Variants in HIBCH observed in about 807,000 individuals in gnomAD.
The protein encoded by HIBCH is 3-hydroxyisobutyryl-CoA hydrolase, mitochondrial.
Under a neutral mutation model 58.2 loss-of-function variants are expected in HIBCH, and 50 were observed. That is an observed-to-expected ratio of 0.86 (90% CI 0.68 to 1.09). The LOEUF is 1.09. Ranked by LOEUF, HIBCH falls within the 50% of genes least tolerant of loss-of-function variation. The probability of loss-of-function intolerance (pLI) is 0.00; values close to 1 mark genes in which losing one functional copy is unlikely to be tolerated. For synonymous variants in HIBCH, 151 were observed against 146.9 expected, an observed-to-expected ratio of 1.03 and a Z score of -0.20; for missense variants, 450 against 449.7, an observed-to-expected ratio of 1.00 and a Z score of -0.01.
In HIBCH at chr2:190,304,428, A is replaced by T. The variant is rs1280850536; in HGVS notation, c.78+6326T>A. On this transcript the variant is annotated intron_variant, in intron 2 of 13. Transcript: ENST00000359678. This position sits in a 1 kb window ranked among gnomAD's most constrained non-coding sequence, Gnocchi z 4.1. Reference sequence around the variant, plus strand: ...AAGCATGCTAGCTCAGATCTCTCTTACTTGTCTTATAAAGCCACCAGTCTC... The same window carrying T: ...AAGCATGCTAGCTCAGATCTCTCTTTCTTGTCTTATAAAGCCACCAGTCTC... Among the ~76,000 whole-genome samples, 5 of 152,246 alleles carry T rather than the reference A, an allele frequency of 3.3e-5. No individual in the cohort carries two copies. The highest frequency in any genetic ancestry group is 1.2e-4 in the African/African-American group (5 of 41,544).
At chr2:190,212,423 T>C (rs1360568613) in intron 12 of HIBCH, among the ~76,000 whole-genome samples, 1 of 152,212 alleles carries the variant, frequency 6.6e-6, no homozygotes, top group African/African-American at 2.4e-5. Context: ...GAGTTTATCA[T>C]CTGGAAGAAT....
intron 2 of HIBCH, among the ~76,000 whole-genome samples, chr2:190,303,418 T>C (rs1315417887): frequency 2.2e-5 from 3 of 135,092 alleles, no homozygotes; most frequent in East Asian, 4.3e-4. Flanking sequence ...GCATACCTTC[T>C]AGCACCAGAA....
chr2:190,223,453 A>C (rs1017065757), intron 11 of HIBCH, among the ~76,000 whole-genome samples: 1 of 152,184 alleles, frequency 6.6e-6, no homozygotes, highest in African/African-American at 2.4e-5. Context: ...ATGCCTGATA[A>C]GTGGTAGTCA....
intron 1 of HIBCH, among the ~76,000 whole-genome samples, chr2:190,313,580 G>A (rs1300632142): frequency 6.7e-6 from 1 of 149,762 alleles, no homozygotes; most frequent in East Asian, 2.0e-4. Flanking sequence ...CTAACACAGA[G>A]GTTGCAGTGA....
chr2:190,294,409 T>C lies in HIBCH; in HGVS notation c.304+137A>G. The C allele has an allele frequency of 1.2e-5, 8 of 653,068 alleles. No individual in the cohort carries two copies. The South Asian group carries it at 1.3e-4, about 11-fold the overall frequency. 40.5% of individuals were successfully genotyped at this position (653,068 alleles called of 1,614,324 possible). ...AAAGTAAGTCTTTAAATTTTTCTTT[T>C]TCCTAAGAATGTATTAACTTTATAA... On this transcript the variant is annotated intron_variant, in intron 4 of 13. Transcript: ENST00000359678.
intron 1 of HIBCH, among the ~76,000 whole-genome samples, chr2:190,319,236 A>T (rs1688784180): frequency 6.6e-6 from 1 of 152,188 alleles, no homozygotes; most frequent in South Asian, 2.1e-4. Flanking sequence ...GTCCCTCAAC[A>T]CTAGCCTGAA....
intron 11 of HIBCH, among the ~76,000 whole-genome samples, chr2:190,234,702 T>A (rs1410363778): frequency 1.3e-5 from 2 of 151,844 alleles, no homozygotes; most frequent in African/African-American, 4.8e-5. Context: ...AATATAAAAA[T>A]TAGCAGGTAT....
At position 190,315,920 on chromosome 2, in the gene HIBCH, T is replaced by C. The variant is rs2124876251; in HGVS notation, c.35+3796A>G. Among the ~76,000 whole-genome samples, 1 of 152,300 alleles carries C rather than the reference T, an allele frequency of 6.6e-6. No homozygotes were observed. The highest frequency in any genetic ancestry group is 1.9e-4 in the East Asian group (1 of 5,182). On this transcript the variant is annotated intron_variant, in intron 1 of 13. Coordinates refer to ENST00000359678, the MANE Select transcript of HIBCH (RefSeq NM_014362.4). The surrounding 1 kb of genome is among the most constrained non-coding windows in gnomAD (Gnocchi z 5.4). ...CAATTTTTTGAATTTGAATTTGTAC[T>C]GACATAAGCAGAAATAGTCAACAGA...
At chr2:190,233,368 C>T (rs1185906365) in intron 11 of HIBCH, among the ~76,000 whole-genome samples, 1 of 152,150 alleles carries the variant, frequency 6.6e-6, no homozygotes, top group Non-Finnish European at 1.5e-5. Flanking sequence ...GAGACAGACC[C>T]AGTGAAAGGT....
chr2:190,208,473 A>G (rs3762548), intron 13 of HIBCH, among the ~76,000 whole-genome samples: 41,463 of 152,112 alleles, frequency 0.27, 6,133 homozygotes, highest in East Asian at 0.47. Flanking sequence ...AACAGTGGCC[A>G]AGTTATGTGA....
chr2:190,249,776 T>C lies in HIBCH; in HGVS notation c.664-50A>G, dbSNP rs552533330. 42 of 1,124,892 alleles carry C rather than the reference T, an allele frequency of 3.7e-5. No homozygotes were observed. In the East Asian group the frequency reaches 7.1e-4, roughly 19 times the overall value. The allele number at this position is 1,124,892 out of a possible 1,614,324, so 69.7% of individuals were successfully genotyped here. On this transcript the variant is annotated intron_variant, in intron 8 of 13. Transcript: ENST00000359678. The stretch of plus-strand genomic sequence containing the variant: ...AAAGATCTTAGATCCAATAGAAACA[T>C]AGAAAGCTTTATAAAAATCTCATCT...
At chr2:190,296,142 C>T (rs1205161183) in intron 3 of HIBCH, among the ~76,000 whole-genome samples, 2 of 152,146 alleles carry the variant, frequency 1.3e-5, no homozygotes, top group Non-Finnish European at 2.9e-5. Flanking sequence ...GCTGTCTGGC[C>T]GGGTGCGGTG....
intron 8 of HIBCH, 123 bp downstream of exon 8, chr2:190,252,039 G>T: frequency 1.1e-6 from 1 of 874,462 alleles, no homozygotes; most frequent in Non-Finnish European, 1.9e-6. Context: ...AAACTAATAG[G>T]TCCAGGATTC....
chr2:190,287,338 A>G (rs1687855927), intron 6 of HIBCH, among the ~76,000 whole-genome samples: 1 of 152,224 alleles, frequency 6.6e-6, no homozygotes, highest in African/African-American at 2.4e-5. Flanking sequence ...CTGGGATTAC[A>G]GACGTGAGGC....
intron 13 of HIBCH, among the ~76,000 whole-genome samples, chr2:190,205,662 T>A (rs576569882): frequency 6.6e-6 from 1 of 152,236 alleles, no homozygotes; most frequent in East Asian, 1.9e-4. Context: ...GGGAGGAAAT[T>A]AATTGCTTAA....
rs1478141125 is a variant in HIBCH at position 190,206,645 on chromosome 2, G to A, written c.1046-1413C>T. On this transcript the variant is annotated intron_variant, in intron 13 of 13. Coordinates refer to ENST00000359678, the MANE Select transcript of HIBCH (RefSeq NM_014362.4). This position sits in a 1 kb window ranked among gnomAD's most constrained non-coding sequence, Gnocchi z 5.1. ...TTCTATAACCACAAAGTAGTAATTT[G>A]TTCTAGATGTTAACAGTAAGAATTT... Among the ~76,000 whole-genome samples the A allele has an allele frequency of 6.6e-6, 1 of 152,068 alleles. No individual in the cohort carries two copies. Among genetic ancestry groups the A allele is most frequent in the Non-Finnish European group, 1.5e-5 (1 of 68,024 alleles).
intron 11 of HIBCH, among the ~76,000 whole-genome samples, chr2:190,223,679 G>A (rs1220898491): frequency 5.9e-5 from 9 of 152,228 alleles, no homozygotes; most frequent in African/African-American, 2.2e-4. Flanking sequence ...CATGGAAAGG[G>A]CTATTGCCCT....
chr2:190,195,941 CTTTTTTTTTT>C (rs35679833), intron 1 of HIBCH, among the ~76,000 whole-genome samples: 1 of 86,210 alleles, frequency 1.2e-5, no homozygotes, highest in African/African-American at 4.1e-5. Flanking sequence ...CTGTGTCCAG[CTTTTTTTTTT>C]TTTTTTTTTT....
intron 2 of HIBCH, among the ~76,000 whole-genome samples, chr2:190,298,078 C>T (rs1035373597): frequency 1.6e-4 from 25 of 152,190 alleles, no homozygotes; most frequent in African/African-American, 5.8e-4. Context: ...CTGCGAAGGA[C>T]ATGAGCTCAT....
Sources: gnomAD v4.1 joint callset for allele counts (sites outside exome capture counted in the v4.1 genomes callset) on GRCh38, gnomAD v4.1.1 for gene constraint, Gnocchi (gnomAD v3.1) non-coding constraint, MANE v1.5 for transcripts, NCBI Gene and HGNC (gene_info 2026-07-23, HGNC 2026-07-21) for gene names.